Variants in SLC3A2 observed in about 807,000 individuals in gnomAD.
SLC3A2 encodes the protein amino acid transporter heavy chain SLC3A2.
In SLC3A2, 32 loss-of-function variants were observed where a neutral mutation model predicts 48.5. The observed-to-expected ratio is 0.66, with a 90% CI of 0.50 to 0.89. The LOEUF (loss-of-function observed/expected upper bound fraction) is 0.89. SLC3A2 is among the 40% of genes least tolerant of loss of function. The pLI is 0.00. For synonymous variants in SLC3A2, 277 were observed against 288.8 expected (o/e 0.96, Z 0.41); for missense variants, 587 against 680.7 (o/e 0.86, Z 1.53).
At chr11:62,885,832 G>A (rs2085706796) in intron 7 of SLC3A2, among the ~76,000 whole-genome samples, 1 of 152,158 alleles carries the variant, frequency 6.6e-6, no homozygotes, top group Non-Finnish European at 1.5e-5. Flanking sequence ...TATTAAATGA[G>A]GGCATGTTTT....
intron 1 of SLC3A2, chr11:62,871,695 T>C: frequency 1.7e-6 from 1 of 590,690 alleles, no homozygotes; most frequent in Non-Finnish European, 3.0e-6. Flanking sequence ...GCAAATAACA[T>C]GCTTGCTATC....
intron 1 of SLC3A2, among the ~76,000 whole-genome samples, chr11:62,861,687 G>A (rs189880386): frequency 3.9e-5 from 6 of 152,036 alleles, no homozygotes; most frequent in South Asian, 2.1e-4. Context: ...AGGCCTAGGC[G>A]TGTGGATCAC....
chr11:62,856,111 A>G, upstream of SLC3A2: 1 of 579,530 alleles, frequency 1.7e-6, no homozygotes, highest in Non-Finnish European at 3.0e-6. Flanking sequence ...CACCGACCGC[A>G]TTGCGGCTTG....
chr11:62,881,730 G>C lies in SLC3A2; in HGVS notation c.425-163G>C, dbSNP rs895017493. The stretch of plus-strand genomic sequence containing the variant: ...AACCGGTTTCTGAAGTAATGTGCAG[G>C]ACTCCTTACATCAGCTCCTCTGAGT... On this transcript the variant is annotated intron_variant, in intron 1 of 8. Coordinates refer to ENST00000338663, the MANE Select transcript of SLC3A2 (RefSeq NM_001013251.3). The surrounding 1 kb of genome is among the most constrained non-coding windows in gnomAD (Gnocchi z 4.0). 4 of 867,048 alleles carry C rather than the reference G, an allele frequency of 4.6e-6. No individual in the cohort carries two copies. The highest frequency in any genetic ancestry group is 7.0e-6 in the Non-Finnish European group (4 of 575,436). 53.7% of individuals were successfully genotyped at this position (867,048 alleles called of 1,614,324 possible).
intron 3 of SLC3A2, chr11:62,884,167 C>A (rs2085677178): frequency 1.8e-6 from 1 of 549,698 alleles, no homozygotes; most frequent in Non-Finnish European, 3.3e-6. Flanking sequence ...ATGGACATAC[C>A]TTTTCTCTGG....
chr11:62,864,436 G>A lies in SLC3A2; in HGVS notation c.112+8055G>A, dbSNP rs557324619. Among the ~76,000 whole-genome samples, 48 of 151,988 alleles carry A rather than the reference G, an allele frequency of 3.2e-4. 1 individual carries two copies. Among genetic ancestry groups the A allele is most frequent in the Middle Eastern group, 6.8e-3 (2 of 294 alleles). On this transcript the variant is annotated intron_variant, in intron 1 of 9. Coordinates refer to the SLC3A2 transcript ENST00000377889. ...CCCAAGCAGCTGAGGCTATAGGCGC[G>A]CACCAGCACGCCTGGCTAATTATTT...
intron 2 of SLC3A2, chr11:62,882,327 C>A: frequency 2.3e-6 from 1 of 441,200 alleles, no homozygotes; most frequent in Non-Finnish European, 4.1e-6. Context: ...TTTACTAAAC[C>A]AGTGGTTTTA....
Position 62,881,594 on chromosome 11 carries a change from G to T in SLC3A2, c.424+147G>T. 1.1e-6 allele frequency: 1 copy of T among 873,648 alleles called. No homozygotes were observed. The highest frequency in any genetic ancestry group is 1.5e-6 in the Non-Finnish European group (1 of 667,452). The allele number at this position is 873,648 out of a possible 1,614,324, so 54.1% of individuals were successfully genotyped here. ...TTCCCCCTTCCCCCACCCCCTCCCC[G>T]GCACATTGTCCTTCCCTCCTTTCTT... On this transcript the variant is annotated intron_variant, in intron 1 of 8. Transcript: ENST00000338663. This position sits in a 1 kb window ranked among gnomAD's most constrained non-coding sequence, Gnocchi z 4.0.
intron 1 of SLC3A2, among the ~76,000 whole-genome samples, chr11:62,872,538 C>G (rs913485635): frequency 2.0e-5 from 3 of 152,174 alleles, no homozygotes; most frequent in East Asian, 3.9e-4. Flanking sequence ...AAACAGAAAA[C>G]AGAATTTGTC....
chr11:62,885,693 A>G, intron 7 of SLC3A2, 85 bp downstream of exon 7: 1 of 1,475,020 alleles, frequency 6.8e-7, no homozygotes, highest in South Asian at 1.2e-5. Flanking sequence ...CATAGACGTG[A>G]GCCTTGGGGT....
chr11:62,864,065 T>C (rs2085427696), intron 1 of SLC3A2, among the ~76,000 whole-genome samples: 1 of 152,154 alleles, frequency 6.6e-6, no homozygotes, highest in African/African-American at 2.4e-5. Flanking sequence ...GCTGGAGATA[T>C]ATTTCTAAGT....
chr11:62,885,295 C>T lies in SLC3A2; in HGVS notation c.937C>T (p.His313Tyr), dbSNP rs1009488557. 4 of 1,614,204 alleles carry T rather than the reference C, an allele frequency of 2.5e-6. No individual in the cohort carries two copies. The highest frequency in any genetic ancestry group is 1.7e-5 in the Admixed American group (1 of 60,024). Residue 313 changes from histidine (H) to tyrosine (Y), a missense_variant, in exon 6 of 9, where the codon CAT (histidine) becomes TAT (tyrosine). By Grantham distance (83) the His-to-Tyr change is moderately conservative. This residue lies in a region of SLC3A2 where 409 missense variants were observed against 446.7 expected (regional missense o/e 0.92). Coordinates refer to ENST00000338663, the MANE Select transcript of SLC3A2 (RefSeq NM_001013251.3). ...GTCTGATTCTGGTTCTACTGGGGAG[C>T]ATACAAAATCCCTAGTCACACAGTA... Reference protein sequence around the residue: ...YLSDSGSTGEHTKSLVTQYLN... With the variant: ...YLSDSGSTGEYTKSLVTQYLN...
Position 62,882,923 on chromosome 11 carries a change from T to G in SLC3A2, c.614T>G (p.Leu205Arg). ...GTTGTTTTAGGCATCCGTGTCATTCTGGACCTTACTCCCAACTACCGGGGT... is the reference window on the plus strand; with the variant it reads ...GTTGTTTTAGGCATCCGTGTCATTCGGGACCTTACTCCCAACTACCGGGGT... Reference protein sequence around the residue: ...SAKKKSIRVILDLTPNYRGEN... With the variant: ...SAKKKSIRVIRDLTPNYRGEN... The change falls in exon 3 of 9, where the codon CTG becomes CGG. Residue 205 changes from leucine (L) to arginine (R), a missense_variant. Physicochemically the swap from Leu to Arg is moderately radical, Grantham distance 102. This residue lies in a region of SLC3A2 where 409 missense variants were observed against 446.7 expected (regional missense o/e 0.92). Transcript: ENST00000338663. 1 of 1,614,220 alleles carries G rather than the reference T, an allele frequency of 6.2e-7. No homozygotes were observed. Among genetic ancestry groups the G allele is most frequent in the Non-Finnish European group, 8.5e-7 (1 of 1,180,022 alleles).
chr11:62,874,912 G>T (rs1220261711), intron 1 of SLC3A2, among the ~76,000 whole-genome samples: 1 of 151,860 alleles, frequency 6.6e-6, no homozygotes, highest in African/African-American at 2.4e-5. Context: ...ACAGGCACCC[G>T]CCATCGTGTG....
chr11:62,882,488 C>CTT (rs369854613), intron 2 of SLC3A2: 3,211 of 184,148 alleles, frequency 0.017, 5 homozygotes, highest in South Asian at 0.044. Flanking sequence ...CTTCCAATAT[C>CTT]TTTTTTTTTT....
intron 3 of SLC3A2, 91 bp from the exon 4 acceptor site, chr11:62,884,366 T>A: frequency 7.3e-7 from 1 of 1,364,252 alleles, no homozygotes; most frequent in South Asian, 1.2e-5. Context: ...CCCGGGGAAG[T>A]GTGTGGTGGG....
At chr11:62,859,066 C>T (rs1016992229) in intron 1 of SLC3A2, among the ~76,000 whole-genome samples, 35 of 152,192 alleles carry the variant, frequency 2.3e-4, no homozygotes, top group African/African-American at 6.8e-4. Context: ...AGACGCTTTA[C>T]GGGTGTCGGG....
chr11:62,866,232 C>T lies in SLC3A2; in HGVS notation c.112+9851C>T, dbSNP rs1364765698. On this transcript the variant is annotated intron_variant, in intron 1 of 9. Coordinates refer to the SLC3A2 transcript ENST00000377889. Reference sequence around the variant, plus strand: ...TCCTGGGTTCAAGAGATTCTTCTGCCTCGGCCTCCCAAGTAGCTGGGATTA... The same window carrying T: ...TCCTGGGTTCAAGAGATTCTTCTGCTTCGGCCTCCCAAGTAGCTGGGATTA... 2.0e-5 allele frequency among the ~76,000 whole-genome samples: 3 copies of T among 151,888 alleles called. No homozygotes were observed. In the East Asian group the frequency reaches 5.8e-4, roughly 29 times the overall value.
chr11:62,884,045 G>A (rs950458073), intron 3 of SLC3A2: 23 of 459,888 alleles, frequency 5.0e-5, no homozygotes, highest in Non-Finnish European at 9.6e-5. Context: ...CCTGTCTGCT[G>A]CTCACTGATT....
Sources: gnomAD v4.1 joint callset for allele counts (sites outside exome capture counted in the v4.1 genomes callset) on GRCh38, gnomAD v4.1.1 for gene constraint, gnomAD v4.1.1 regional missense constraint, Gnocchi (gnomAD v3.1) non-coding constraint, MANE v1.5 for transcripts, NCBI Gene and HGNC (gene_info 2026-07-23, HGNC 2026-07-21) for gene names.